ZNF90: variants seen among roughly 807,000 people sequenced by gnomAD.
The protein encoded by ZNF90 is zinc finger protein 90.
A neutral mutation model predicts 12.0 loss-of-function variants in ZNF90; 11 were observed. That is an observed-to-expected ratio of 0.92 (90% CI 0.58 to 1.52). The LOEUF (loss-of-function observed/expected upper bound fraction) is 1.52, where lower values mean the gene tolerates loss of function less well. Among genes scored for constraint, ZNF90 ranks in the 40% most tolerant of loss-of-function variants. The probability of loss-of-function intolerance (pLI) is 0.00; values close to 1 mark genes in which losing one functional copy is unlikely to be tolerated. For synonymous variants in ZNF90, 232 were observed against 240.1 expected, an observed-to-expected ratio of 0.97 and a Z score of 0.31; for missense variants, 765 against 711.5, an observed-to-expected ratio of 1.08 and a Z score of -0.86.
At chr19:20,111,075 C>A (rs1482793109) in intron 3 of ZNF90, among the ~76,000 whole-genome samples, 1 of 152,104 alleles carries the variant, frequency 6.6e-6, no homozygotes, top group Non-Finnish European at 1.5e-5. Flanking sequence ...AATTTCTTAT[C>A]TAAGAAAATG....
intron 3 of ZNF90, among the ~76,000 whole-genome samples, chr19:20,110,619 A>T (rs571113063): frequency 3.6e-4 from 55 of 152,296 alleles, no homozygotes; most frequent in African/African-American, 1.2e-3. Flanking sequence ...ATAACTTTTT[A>T]AAATAATGGC....
At position 20,119,612 on chromosome 19, in the gene ZNF90, G is replaced by C; in HGVS notation, c.*252G>C. 1.5e-5 allele frequency: 5 copies of C among 331,576 alleles called. No homozygotes were observed. The highest frequency in any genetic ancestry group is 2.2e-5 in the Non-Finnish European group (4 of 184,764). The allele number at this position is 331,576 out of a possible 1,614,324, so 20.5% of individuals were successfully genotyped here. On this transcript the variant is annotated 3_prime_UTR_variant, in exon 4 of 4. Transcript: ENST00000418063. ...AAAAATGCAGCAAAGCCTATAACAAGTTCTCAATTCTTTTTTTTTTTTTTT... is the reference window on the plus strand; with the variant it reads ...AAAAATGCAGCAAAGCCTATAACAACTTCTCAATTCTTTTTTTTTTTTTTT...
chr19:20,096,305 G>A (rs2088945016), intron 1 of ZNF90, among the ~76,000 whole-genome samples: 1 of 152,210 alleles, frequency 6.6e-6, no homozygotes, highest in Non-Finnish European at 1.5e-5. Flanking sequence ...TCCCAAGGGA[G>A]GTCCCCTGAT....
rs749030680 is a variant in ZNF90 at position 20,078,173 on chromosome 19, G to T, written c.3+38G>T. The T allele has an allele frequency of 3.1e-6, 5 of 1,613,798 alleles. No individual in the cohort carries two copies. The African/African-American group carries it at 6.7e-5, about 22-fold the overall frequency. ...TTCCAGCATTCCGAGAGAGGGGAGG[G>T]ACTGGTTGGAACCGATGGGAAGTGG... is the stretch of plus-strand genomic sequence containing the variant. On this transcript the variant is annotated intron_variant, in intron 1 of 3. Transcript: ENST00000418063.
chr19:20,080,200 T>A (rs192352431), intron 1 of ZNF90: 90 of 546,554 alleles, frequency 1.6e-4, no homozygotes, highest in African/African-American at 1.6e-3. Context: ...ATAATGGGAC[T>A]AGTACCACCG....
intron 3 of ZNF90, among the ~76,000 whole-genome samples, 154 bp downstream of exon 3, chr19:20,105,470 C>T (rs2089028414): frequency 6.6e-6 from 1 of 152,190 alleles, no homozygotes; most frequent in African/African-American, 2.4e-5. Flanking sequence ...TAATTTGGCT[C>T]TCACAAAGGG....
intron 1 of ZNF90, among the ~76,000 whole-genome samples, chr19:20,103,832 G>C (rs868992104): frequency 1.3e-5 from 2 of 150,986 alleles, no homozygotes; most frequent in African/African-American, 4.9e-5. Context: ...AAAAAAAAAA[G>C]AACCTGCATA....
chr19:20,117,391 T>C (rs2089147988), intron 3 of ZNF90, among the ~76,000 whole-genome samples: 1 of 117,024 alleles, frequency 8.5e-6, no homozygotes, highest in South Asian at 2.6e-4. Context: ...TCTTTTCTTT[T>C]CTTTTCTCCT....
At position 20,104,287 on chromosome 19, in the gene ZNF90, T is replaced by G; in HGVS notation, c.52T>G (p.Trp18Gly). ...GGCCATAGAATTCTCTCTGGAGGAG[T>G]GGCATTGCCTGGACACTGCACAGCA... The part of the protein sequence containing the change: ...DVAIEFSLEE[W>G]HCLDTAQQNL... The change falls in exon 2 of 4, where the codon TGG becomes GGG. Residue 18 changes from tryptophan (W) to glycine (G), a missense_variant. Transcript: ENST00000418063. 1 of 1,614,016 alleles carries G rather than the reference T, an allele frequency of 6.2e-7. No individual in the cohort carries two copies. Among genetic ancestry groups the G allele is most frequent in the Non-Finnish European group, 8.5e-7 (1 of 1,179,978 alleles).
chr19:20,118,104 C>T lies in ZNF90; in HGVS notation c.550C>T (p.Gln184Ter). Residue 184 changes from glutamine to a stop codon, truncating the protein, a stop_gained, in exon 4 of 4, where the codon CAG becomes TAG. Coordinates refer to ENST00000418063, the MANE Select transcript of ZNF90 (RefSeq NM_007138.2). LOFTEE classifies it low-confidence loss of function (END_TRUNC). Reference sequence around the variant, plus strand: ...TATAGAATGTGGCAAAGCTTTCAACCAGTCCTCAACCCTTGCTACACATAA... The same window carrying T: ...TATAGAATGTGGCAAAGCTTTCAACTAGTCCTCAACCCTTGCTACACATAA... Reference protein sequence around the residue: ...KCIECGKAFNQSSTLATHKKI... With the variant: ...KCIECGKAFN 1 of 1,613,488 alleles carries T rather than the reference C, an allele frequency of 6.2e-7. No homozygotes were observed. The highest frequency in any genetic ancestry group is 8.5e-7 in the Non-Finnish European group (1 of 1,179,670).
rs782172193 is a variant in ZNF90, at chr19:20,118,727, T to C, written c.1173T>C (p.His391=). 25 of 1,608,422 alleles carry C rather than the reference T, an allele frequency of 1.6e-5. No homozygotes were observed. The East Asian group carries it at 5.4e-4, about 35-fold the overall frequency. ...TCCTTTATAAACATAAGATAAGTCA[T>C]AGTGAAAAGAAACCCTACAAATGTG... The part of the protein sequence containing the change: ...SSLLYKHKIS[H]SEKKPYKCEE... The change falls in exon 4 of 4, where the codon CAT becomes CAC. Residue 391 remains histidine, a synonymous_variant. Coordinates refer to ENST00000418063, the MANE Select transcript of ZNF90 (RefSeq NM_007138.2).
chr19:20,096,406 T>G (rs1250628237), intron 1 of ZNF90, among the ~76,000 whole-genome samples: 1 of 151,972 alleles, frequency 6.6e-6, no homozygotes, highest in Non-Finnish European at 1.5e-5. Flanking sequence ...ATCACCTGAG[T>G]GCAGGTGGGC....
rs782770008 is a variant in ZNF90, at chr19:20,118,933, A to G, written c.1379A>G (p.Lys460Arg). 2.5e-6 allele frequency: 4 copies of G among 1,613,466 alleles called. No individual in the cohort carries two copies. The highest frequency in any genetic ancestry group is 2.5e-6 in the Non-Finnish European group (3 of 1,179,716). Residue 460 changes from lysine (K) to arginine (R), a missense_variant, in exon 4 of 4, where the codon AAA (lysine) becomes AGA (arginine). Transcript: ENST00000418063. ...EKPYKCEECGKAFKRSSNLTT... is the reference protein window; with the variant it reads ...EKPYKCEECGRAFKRSSNLTT... ...CCCTACAAATGTGAAGAATGTGGCAAAGCCTTCAAGCGCTCCTCAAACCTT... is the reference window on the plus strand; with the variant it reads ...CCCTACAAATGTGAAGAATGTGGCAGAGCCTTCAAGCGCTCCTCAAACCTT...
intron 3 of ZNF90, among the ~76,000 whole-genome samples, chr19:20,116,968 A>G (rs2089141669): frequency 7.0e-6 from 1 of 142,094 alleles, no homozygotes; most frequent in Admixed American, 7.0e-5. Context: ...GTATGTGCCA[A>G]TGTTTTTCTT....
intron 3 of ZNF90, among the ~76,000 whole-genome samples, chr19:20,117,397 C>CTTTTCTCCTTCCT (rs1294206352): frequency 2.5e-4 from 23 of 91,394 alleles, no homozygotes; most frequent in African/African-American, 1.1e-3. Flanking sequence ...CTTTTCTTTT[C>CTTTTCTCCTTCCT]TCCTTCCTTC....
At position 20,118,487 on chromosome 19, in the gene ZNF90, A is replaced by G. The variant is rs2122532276; in HGVS notation, c.933A>G (p.Lys311=). The G allele has an allele frequency of 3.7e-6, 6 of 1,613,640 alleles. 1 individual carries two copies. Among genetic ancestry groups the G allele is most frequent in the Admixed American group, 1.7e-5 (1 of 59,932 alleles). Residue 311 remains lysine, a synonymous_variant, in exon 4 of 4, where the codon AAA becomes AAG. Transcript: ENST00000418063. The part of the protein sequence containing the change: ...YVHKISHTEE[K]PYKCEECGKA... ...ATAAGATAAGTCATACTGAAGAGAA[A>G]CCCTACAAATGTGAAGAATGTGGCA...
intron 1 of ZNF90, among the ~76,000 whole-genome samples, chr19:20,099,940 C>A (rs1390136599): frequency 1.3e-5 from 2 of 152,080 alleles, no homozygotes; most frequent in South Asian, 4.2e-4. Context: ...TGTACAGAAA[C>A]CTAAAGAGGT....
chr19:20,081,135 C>T (rs576008806), intron 1 of ZNF90, among the ~76,000 whole-genome samples: 4 of 152,278 alleles, frequency 2.6e-5, no homozygotes, highest in South Asian at 2.1e-4. Context: ...TAGACATAGA[C>T]GTGCCCATAC....
intron 1 of ZNF90, among the ~76,000 whole-genome samples, chr19:20,094,300 A>T (rs1367886388): frequency 2.6e-5 from 4 of 152,194 alleles, no homozygotes; most frequent in African/African-American, 9.6e-5. Flanking sequence ...TTTGAGGGCC[A>T]GATTCTAATT....
Sources: gnomAD v4.1 joint callset for allele counts (sites outside exome capture counted in the v4.1 genomes callset) on GRCh38, gnomAD v4.1.1 for gene constraint, MANE v1.5 for transcripts, NCBI Gene and HGNC (gene_info 2026-07-23, HGNC 2026-07-21) for gene names.